MALRD1: variants seen among roughly 807,000 people sequenced by gnomAD.
MALRD1 encodes MAM and LDL-receptor class A domain-containing protein 1.
Under a neutral mutation model 242.1 loss-of-function variants are expected in MALRD1, and 247 were observed. The observed-to-expected ratio is 1.02, with a 90% CI of 0.92 to 1.13. The LOEUF (loss-of-function observed/expected upper bound fraction) is 1.13. MALRD1 is among the 50% of genes most tolerant of loss of function. MALRD1 has a pLI of 0.00. For missense variants in MALRD1, 2,989 were observed against 2,533.1 expected, an observed-to-expected ratio of 1.18 and a Z score of -3.86; for synonymous variants, 995 against 866.6, an observed-to-expected ratio of 1.15 and a Z score of -2.60.
At chr10:19,454,460 A>G (rs1835526754) in intron 29 of MALRD1, among the ~76,000 whole-genome samples, 1 of 139,006 alleles carries the variant, frequency 7.2e-6, no homozygotes, top group South Asian at 2.2e-4. Flanking sequence ...TATAAATTAT[A>G]TATATATCTA....
At chr10:19,368,461 T>C (rs1322697228) in intron 26 of MALRD1, among the ~76,000 whole-genome samples, 1 of 152,140 alleles carries the variant, frequency 6.6e-6, no homozygotes, top group Non-Finnish European at 1.5e-5. Context: ...TTCTGTATTC[T>C]GTTCCATTGG....
chr10:19,214,328 G>T (rs1837206282), intron 18 of MALRD1, among the ~76,000 whole-genome samples: 1 of 152,168 alleles, frequency 6.6e-6, no homozygotes. Flanking sequence ...CACCTTGTTT[G>T]AGACTGACTT....
chr10:19,664,265 A>G (rs1841574104), intron 36 of MALRD1, among the ~76,000 whole-genome samples: 1 of 152,006 alleles, frequency 6.6e-6, no homozygotes, highest in South Asian at 2.1e-4. Context: ...GCTAATTTAG[A>G]TTGTTAATTT....
chr10:19,275,395 G>A (rs976318433), intron 19 of MALRD1, among the ~76,000 whole-genome samples: 6 of 152,188 alleles, frequency 3.9e-5, no homozygotes, highest in African/African-American at 9.7e-5. Context: ...TCGGCCGGGT[G>A]CGGTGGCTCA....
rs1004586348 is a variant in MALRD1, at chr10:19,591,829, C to T, written c.5681-3365C>T. 4.1e-4 allele frequency among the ~76,000 whole-genome samples: 63 copies of T among 152,166 alleles called. 1 individual carries two copies. Among genetic ancestry groups the T allele is most frequent in the Non-Finnish European group, 5.9e-5 (4 of 68,032 alleles). ...ACTTCTTGAAGCATATATGTGGCAA[C>T]TTGCATCCAAGTCAAAAGATAAAGA... On this transcript the variant is annotated intron_variant, in intron 33 of 39. Transcript: ENST00000454679.
intron 36 of MALRD1, among the ~76,000 whole-genome samples, chr10:19,645,803 C>T (rs1160146040): frequency 6.6e-6 from 1 of 152,064 alleles, no homozygotes; most frequent in Admixed American, 6.5e-5. Context: ...GGGTGCAGCA[C>T]ACCAACATGG....
At chr10:19,422,962 A>G (rs556388089) in intron 28 of MALRD1, among the ~76,000 whole-genome samples, 1 of 152,178 alleles carries the variant, frequency 6.6e-6, no homozygotes, top group Non-Finnish European at 1.5e-5. Flanking sequence ...TGTACTGCTC[A>G]TATCTACTGT....
intron 4 of MALRD1, among the ~76,000 whole-genome samples, chr10:19,102,881 C>T (rs1237249341): frequency 2.0e-5 from 3 of 151,720 alleles, no homozygotes; most frequent in African/African-American, 7.3e-5. Flanking sequence ...ACAAGTCTTA[C>T]TCTGTCACCT....
chr10:19,530,570 A>G (rs915727356), intron 31 of MALRD1, among the ~76,000 whole-genome samples: 160 of 148,978 alleles, frequency 1.1e-3, no homozygotes, highest in African/African-American at 3.8e-3. Context: ...ACATATATAT[A>G]TTTCATATTT....
At chr10:19,609,777 G>A (rs78847265) in intron 35 of MALRD1, among the ~76,000 whole-genome samples, 1 of 152,062 alleles carries the variant, frequency 6.6e-6, no homozygotes, top group African/African-American at 2.4e-5. Flanking sequence ...TAAACTGAAA[G>A]TGTTTTTCTA....
At chr10:19,611,889 G>A (rs776631947) in intron 35 of MALRD1, among the ~76,000 whole-genome samples, 2 of 151,956 alleles carry the variant, frequency 1.3e-5, no homozygotes, top group Non-Finnish European at 2.9e-5. Context: ...ATTCACCTCT[G>A]GTTCCAGTGA....
chr10:19,343,031 T>G (rs934404979), intron 24 of MALRD1, among the ~76,000 whole-genome samples: 1 of 152,148 alleles, frequency 6.6e-6, no homozygotes, highest in Non-Finnish European at 1.5e-5. Flanking sequence ...CATAGAGTTT[T>G]TCTAAATTAT....
At chr10:19,439,156 A>T (rs1281645947) in intron 28 of MALRD1, among the ~76,000 whole-genome samples, 2 of 152,158 alleles carry the variant, frequency 1.3e-5, no homozygotes, top group South Asian at 2.1e-4. Context: ...AATTTAATTT[A>T]AAAATTACAT....
chr10:19,491,244 A>T, intron 29 of MALRD1: 1 of 669,232 alleles, frequency 1.5e-6, no homozygotes. Context: ...GTGGGCCACA[A>T]ATTTGAGTGT....
At chr10:19,721,391 T>C (rs16919309) in intron 38 of MALRD1, among the ~76,000 whole-genome samples, 6,179 of 152,170 alleles carry the variant, frequency 0.041, 284 homozygotes, top group African/African-American at 0.11. Flanking sequence ...CAACTCAGAT[T>C]CACCATTAAT....
rs1407765610 is a variant in MALRD1, at chr10:19,615,864, A to T, written c.6078A>T (p.Pro2026=). 6.5e-7 allele frequency: 1 copy of T among 1,530,026 alleles called. No individual in the cohort carries two copies. Among genetic ancestry groups the T allele is most frequent in the South Asian group, 1.2e-5 (1 of 83,210 alleles). 94.8% of individuals were successfully genotyped at this position (1,530,026 alleles called of 1,614,324 possible). Residue 2026 remains proline, a synonymous_variant, in exon 36 of 40, where the codon CCA becomes CCT. Coordinates refer to ENST00000454679, the MANE Select transcript of MALRD1 (RefSeq NM_001142308.3). The stretch of plus-strand genomic sequence containing the variant: ...TGTGATGCTTCTTTTTAGAATGTCC[A>T]TTAAATTACTGCAGAAATGGTGGGA... ...QLDESSCSEC[P]LNYCRNGGTC... is the part of the protein sequence containing the mutation.
chr10:19,289,064 A>C (rs899494169), intron 21 of MALRD1, among the ~76,000 whole-genome samples: 1 of 151,876 alleles, frequency 6.6e-6, no homozygotes, highest in African/African-American at 2.4e-5. Context: ...TTTTTATTCA[A>C]AATTTTTTTC....
rs865929562 is a variant in MALRD1, at chr10:19,283,090, C to T, written c.3328C>T (p.Gln1110Ter). ...WYQPIPVHLL[Q>*]DSNTFRWGLG... ...TCAACCAATCCCAGTACATTTGCTT[C>T]AAGATTCAAACACATTCAGGTGGGG... Residue 1110 changes from glutamine (Q) to a stop codon, truncating the protein, a stop_gained, in exon 21 of 40, where the codon CAA (glutamine) becomes TAA (stop). Coordinates refer to ENST00000454679, the MANE Select transcript of MALRD1 (RefSeq NM_001142308.3). LOFTEE classifies it high-confidence loss of function. The T allele has an allele frequency of 5.2e-6, 8 of 1,549,882 alleles. No homozygotes were observed. In the South Asian group the frequency reaches 9.5e-5, roughly 18 times the overall value.
At position 19,165,793 on chromosome 10, in the gene MALRD1, T is replaced by A; in HGVS notation, c.1813T>A (p.Ser605Thr). 8.1e-7 allele frequency: 1 copy of A among 1,231,712 alleles called. No individual in the cohort carries two copies. The highest frequency in any genetic ancestry group is 1.0e-6 in the Non-Finnish European group (1 of 987,946). The allele number at this position is 1,231,712 out of a possible 1,614,324, so 76.3% of individuals were successfully genotyped here. A position where few individuals can be genotyped will look rare whatever the true frequency, so the allele number is the denominator to read the frequency against. ...TGATCTCATTGCAGAAGCGGGAGAA[T>A]CTACTCTACCTTTTCAGGTAAGCAC... ...KIDLIAEAGE[S>T]TLPFQLILEA... The change falls in exon 13 of 40, where the codon TCT becomes ACT. Residue 605 changes from serine to threonine, a missense_variant. Coordinates refer to ENST00000454679, the MANE Select transcript of MALRD1 (RefSeq NM_001142308.3).
Sources: allele counts gnomAD v4.1 joint callset (sites outside exome capture counted in the v4.1 genomes callset), GRCh38; gene constraint gnomAD v4.1.1; transcripts MANE v1.5; gene names NCBI Gene and HGNC (gene_info 2026-07-23, HGNC 2026-07-21).